CFAP54: variants seen among roughly 807,000 people sequenced by gnomAD.
The protein encoded by CFAP54 is cilia and flagella associated protein 54, also known as cilia- and flagella-associated protein 54.
A neutral mutation model predicts 370.4 loss-of-function variants in CFAP54; 290 were observed. The ratio of observed to expected loss-of-function variants is 0.78; its 90% CI spans 0.71 to 0.86. The LOEUF (loss-of-function observed/expected upper bound fraction) is 0.86. Ranked by LOEUF, CFAP54 falls within the 40% of genes least tolerant of loss-of-function variation. The pLI, the probability that CFAP54 is intolerant of heterozygous loss-of-function variation, is 0.00. For missense variants in CFAP54, 3,399 were observed against 3,528.7 expected, an observed-to-expected ratio of 0.96 and a Z score of 0.93; for synonymous variants, 1,206 against 1,236.5, an observed-to-expected ratio of 0.98 and a Z score of 0.52.
chr12:96,644,177 G>A lies in CFAP54; in HGVS notation c.4317-1G>A. 6.6e-7 allele frequency: 1 copy of A among 1,523,504 alleles called. No individual in the cohort carries two copies. 94.4% of individuals were successfully genotyped at this position (1,523,504 alleles called of 1,614,324 possible). A position where few individuals can be genotyped will look rare whatever the true frequency, so the allele number is the denominator to read the frequency against. ...TTCAAAACTTCTTTCTCCCTTGGCA[G>A]AAATAGGAGAACCAGTGTTAGGAAA... is the stretch of plus-strand genomic sequence containing the variant. On this transcript the variant is annotated splice_acceptor_variant, in intron 32 of 67. Transcript: ENST00000524981. LOFTEE classifies it high-confidence loss of function.
chr12:96,642,437 T>G (rs1235437816), intron 32 of CFAP54, among the ~76,000 whole-genome samples: 2 of 152,240 alleles, frequency 1.3e-5, no homozygotes, highest in African/African-American at 4.8e-5. Flanking sequence ...TATCTAAATC[T>G]ATCTTATTGT....
chr12:96,665,277 T>A (rs951097687), intron 39 of CFAP54, among the ~76,000 whole-genome samples: 1 of 152,124 alleles, frequency 6.6e-6, no homozygotes, highest in African/African-American at 2.4e-5. Flanking sequence ...TATGTCTGTT[T>A]ACAATGTTGA....
intron 26 of CFAP54, among the ~76,000 whole-genome samples, chr12:96,618,415 G>A (rs1384599453): frequency 2.0e-5 from 3 of 152,216 alleles, no homozygotes; most frequent in African/African-American, 7.2e-5. Context: ...ACATGTGGGA[G>A]GGGTTAGTCT....
Position 96,638,227 on chromosome 12 carries a change from GTGTGTGTGTGTGTGTATA to G in CFAP54, c.4317-5949_4317-5932del, listed in dbSNP as rs1565923468. ...TGCATGTGTGTGTGTGTGTGTGTGT[GTGTGTGTGTGTGTGTATA>G]TATATATATATTTATTTTTTTTTGG... is the stretch of plus-strand genomic sequence containing the variant. On this transcript the variant is annotated intron_variant, in intron 32 of 67. Coordinates refer to ENST00000524981, the MANE Select transcript of CFAP54 (RefSeq NM_001306084.2). Among the ~76,000 whole-genome samples the G allele has an allele frequency of 2.0e-4, 19 of 92,888 alleles. No individual in the cohort carries two copies. The South Asian group carries it at 4.5e-3, about 22-fold the overall frequency. 60.9% of individuals were successfully genotyped at this position (92,888 alleles called of 152,430 possible). A position where few individuals can be genotyped will look rare whatever the true frequency, so the allele number is the denominator to read the frequency against.
chr12:96,562,125 G>T (rs142909682), intron 17 of CFAP54, among the ~76,000 whole-genome samples: 62 of 152,008 alleles, frequency 4.1e-4, no homozygotes, highest in African/African-American at 1.2e-3. Flanking sequence ...ACACTAAAAG[G>T]TTTCTCCTCA....
Position 96,522,085 on chromosome 12 carries a change from C to T in CFAP54, c.1057-3C>T. 1 of 1,534,092 alleles carries T rather than the reference C, an allele frequency of 6.5e-7. No individual in the cohort carries two copies. The highest frequency in any genetic ancestry group is 8.7e-7 in the Non-Finnish European group (1 of 1,146,238). On this transcript the variant is annotated splice_polypyrimidine_tract_variant and splice_region_variant and intron_variant, in intron 7 of 67. Coordinates refer to ENST00000524981, the MANE Select transcript of CFAP54 (RefSeq NM_001306084.2). ...TCATGTATAATTCTGCTTTTTGAGGCAGATGGCAGTGATGATCTTCAAAAG... is the reference window on the plus strand; with the variant it reads ...TCATGTATAATTCTGCTTTTTGAGGTAGATGGCAGTGATGATCTTCAAAAG...
intron 22 of CFAP54, among the ~76,000 whole-genome samples, chr12:96,586,254 C>G (rs1251035122): frequency 2.6e-5 from 4 of 152,120 alleles, no homozygotes; most frequent in Non-Finnish European, 4.4e-5. Flanking sequence ...TAACAAGTTC[C>G]TGGGTGATGC....
At chr12:96,500,062 A>G (rs1286383353) in intron 1 of CFAP54, among the ~76,000 whole-genome samples, 1 of 152,258 alleles carries the variant, frequency 6.6e-6, no homozygotes, top group Admixed American at 6.5e-5. Flanking sequence ...GATGTCATTC[A>G]GCATGTGCGT....
chr12:96,562,734 A>G (rs1185553267), intron 17 of CFAP54, among the ~76,000 whole-genome samples: 3 of 151,888 alleles, frequency 2.0e-5, no homozygotes, highest in Admixed American at 2.0e-4. Context: ...CCCTGCCTGT[A>G]TTCTGTTTAT....
intron 65 of CFAP54, among the ~76,000 whole-genome samples, chr12:96,825,998 A>C (rs11108709): frequency 2.8e-5 from 4 of 143,500 alleles, no homozygotes. Flanking sequence ...TTAATAAATA[A>C]CAATATATTA....
rs578221318 is a variant in CFAP54, at chr12:96,741,205, C to T, written c.7071+1144C>T. On this transcript the variant is annotated intron_variant, in intron 51 of 67. Coordinates refer to ENST00000524981, the MANE Select transcript of CFAP54 (RefSeq NM_001306084.2). ...TTTTTGAGACGGAGTCTCGCTCTAT[C>T]GCCCAACCTGGAATGCAGTGGCACA... Among the ~76,000 whole-genome samples the T allele has an allele frequency of 5.3e-5, 8 of 152,218 alleles. No homozygotes were observed. In the South Asian group the frequency reaches 8.3e-4, roughly 16 times the overall value.
At chr12:96,493,251 GT>G (rs1449000474) in intron 1 of CFAP54, among the ~76,000 whole-genome samples, 1 of 152,202 alleles carries the variant, frequency 6.6e-6, no homozygotes, top group African/African-American at 2.4e-5. Context: ...TTACACAGTG[GT>G]GAACAAAATA....
chr12:96,581,550 G>A (rs182359750), intron 22 of CFAP54, among the ~76,000 whole-genome samples: 78 of 152,058 alleles, frequency 5.1e-4, no homozygotes, highest in Non-Finnish European at 1.0e-3. Context: ...ACAATGTACC[G>A]GATAGCCCGC....
At chr12:96,722,906 T>G (rs1393120818) in intron 50 of CFAP54, among the ~76,000 whole-genome samples, 2 of 151,370 alleles carry the variant, frequency 1.3e-5, no homozygotes, top group Non-Finnish European at 2.9e-5. Flanking sequence ...AATGGGGAGG[T>G]TGTAGGGGTG....
chr12:96,770,822 T>G (rs1434551310), intron 60 of CFAP54, among the ~76,000 whole-genome samples: 2 of 152,252 alleles, frequency 1.3e-5, no homozygotes, highest in Non-Finnish European at 2.9e-5. Context: ...TGTGTACTAT[T>G]CCACTACTAA....
intron 62 of CFAP54, among the ~76,000 whole-genome samples, chr12:96,791,518 G>A (rs2136701402): frequency 6.6e-6 from 1 of 152,264 alleles, no homozygotes; most frequent in Non-Finnish European, 1.5e-5. Context: ...TTACAAATCA[G>A]CCACATTCAT....
At position 96,564,687 on chromosome 12, in the gene CFAP54, A is replaced by G; in HGVS notation, c.2541A>G (p.Lys847=). ...MNKIKKNTLS[K]AIYLMQKALL... The stretch of plus-strand genomic sequence containing the variant: ...AAATAAAGAAGAATACATTATCCAA[A>G]GCAATTTACTTAATGCAGAAAGCTC... Residue 847 remains lysine, a synonymous_variant, in exon 19 of 68, where the codon AAA becomes AAG. Coordinates refer to ENST00000524981, the MANE Select transcript of CFAP54 (RefSeq NM_001306084.2). 1.6e-6 allele frequency: 1 copy of G among 637,746 alleles called. No individual in the cohort carries two copies. The highest frequency in any genetic ancestry group is 2.8e-6 in the Non-Finnish European group (1 of 361,890). 39.5% of individuals were successfully genotyped at this position (637,746 alleles called of 1,614,324 possible). A position where few individuals can be genotyped will look rare whatever the true frequency, so the allele number is the denominator to read the frequency against.
chr12:96,780,505 G>A (rs539259091), intron 60 of CFAP54, among the ~76,000 whole-genome samples: 1 of 152,228 alleles, frequency 6.6e-6, no homozygotes, highest in African/African-American at 2.4e-5. Context: ...AGAGGAGAGG[G>A]AGAGAGAAAG....
At chr12:96,719,011 C>T (rs1957717789) in intron 49 of CFAP54, among the ~76,000 whole-genome samples, 1 of 151,476 alleles carries the variant, frequency 6.6e-6, no homozygotes, top group Admixed American at 6.6e-5. Context: ...GCATTCTATT[C>T]TGGGCAAAAA....
Sources: allele counts gnomAD v4.1 joint callset (sites outside exome capture counted in the v4.1 genomes callset), GRCh38; gene constraint gnomAD v4.1.1; transcripts MANE v1.5; gene names NCBI Gene and HGNC (gene_info 2026-07-23, HGNC 2026-07-21).